The following HADHA variants were observed in gnomAD, a reference collection of about 807,000 sequenced individuals.
HADHA encodes trifunctional enzyme subunit alpha, mitochondrial.
Under a neutral mutation model 91.3 loss-of-function variants are expected in HADHA, and 59 were observed. The observed-to-expected ratio is 0.65, with a 90% CI of 0.52 to 0.80. HADHA has a LOEUF of 0.80. HADHA is among the 30% of genes least tolerant of loss of function. The pLI, the probability that HADHA is intolerant of heterozygous loss-of-function variation, is 0.00. For synonymous variants in HADHA, 320 were observed against 338.9 expected, an observed-to-expected ratio of 0.94 and a Z score of 0.61; for missense variants, 800 against 927.6, an observed-to-expected ratio of 0.86 and a Z score of 1.79.
intron 16 of HADHA, 39 bp from the exon 17 acceptor site, chr2:26,193,811 A>G (rs1391828925): frequency 5.9e-6 from 9 of 1,533,578 alleles, no homozygotes; most frequent in Non-Finnish European, 8.1e-6. Flanking sequence ...GGGGAAGGGC[A>G]GCCCAAATCC....
At chr2:26,191,744 G>T in intron 18 of HADHA, 116 bp from the exon 19 acceptor site, 1 of 1,030,022 alleles carries the variant, frequency 9.7e-7, no homozygotes, top group Non-Finnish European at 1.5e-6. Context: ...GGGCCGGTTG[G>T]TGCTGGCCCT....
In HADHA at chr2:26,232,207, G is replaced by T; in HGVS notation, c.526C>A (p.Leu176Met). 6.2e-7 allele frequency: 1 copy of T among 1,609,440 alleles called. No homozygotes were observed. Among genetic ancestry groups the T allele is most frequent in the Non-Finnish European group, 8.5e-7 (1 of 1,175,786 alleles). Reference sequence around the variant, plus strand: ...CCTCCTGCTCCTGGTAAGGCCCCCAGCAAAACTTCAGGGGTACCTAATACT... The same window carrying T: ...CCTCCTGCTCCTGGTAAGGCCCCCATCAAAACTTCAGGGGTACCTAATACT... The part of the protein sequence containing the change: ...KTVLGTPEVL[L>M]GALPGAGGTQ... Residue 176 changes from leucine (L) to methionine (M), a missense_variant, in exon 6 of 20, where the codon CTG becomes ATG. Physicochemically the swap from Leu to Met is conservative, Grantham distance 15. Transcript: ENST00000380649.
At chr2:26,217,898 C>T (rs949909818) in intron 7 of HADHA, among the ~76,000 whole-genome samples, 1 of 152,078 alleles carries the variant, frequency 6.6e-6, no homozygotes, top group African/African-American at 2.4e-5. Context: ...CAGAGCAAGA[C>T]CCTGTCTCAA....
At chr2:26,231,209 CATT>C (rs960548660) in intron 6 of HADHA, among the ~76,000 whole-genome samples, 2 of 152,116 alleles carry the variant, frequency 1.3e-5, no homozygotes. Context: ...AAGGAAAGCA[CATT>C]ATTATTATTA....
At chr2:26,193,825 C>T in intron 16 of HADHA, 53 bp from the exon 17 acceptor site, 3 of 1,410,158 alleles carry the variant, frequency 2.1e-6, no homozygotes, top group Non-Finnish European at 2.0e-6. Context: ...CAAATCCCCC[C>T]AAAGGGCTCC....
At chr2:26,217,544 A>T (rs577993812) in intron 7 of HADHA, among the ~76,000 whole-genome samples, 1 of 152,338 alleles carries the variant, frequency 6.6e-6, no homozygotes, top group South Asian at 2.1e-4. Context: ...AAAACCAGTC[A>T]TAAAAGGAAA....
chr2:26,219,759 G>A (rs1670329580), intron 7 of HADHA, among the ~76,000 whole-genome samples: 2 of 152,202 alleles, frequency 1.3e-5, no homozygotes, highest in African/African-American at 4.8e-5. Flanking sequence ...AGAATAGTCT[G>A]ACTTGCTGAG....
At chr2:26,207,189 C>T (rs915444513) in intron 11 of HADHA, among the ~76,000 whole-genome samples, 1 of 151,906 alleles carries the variant, frequency 6.6e-6, no homozygotes, top group African/African-American at 2.4e-5. Flanking sequence ...CAGAATGAGA[C>T]CCTGTCTCTA....
chr2:26,243,905 G>A (rs762562869), intron 1 of HADHA, among the ~76,000 whole-genome samples: 3 of 152,234 alleles, frequency 2.0e-5, no homozygotes, highest in Admixed American at 6.5e-5. Context: ...AGGTATTAGC[G>A]TATTTTTAAA....
At chr2:26,192,212 AAAGTATT>A in intron 18 of HADHA, 91 bp downstream of exon 18, 1 of 712,700 alleles carries the variant, frequency 1.4e-6, no homozygotes, top group Non-Finnish European at 2.5e-6. Flanking sequence ...CCCAGGACTT[AAAGTATT>A]AAAAAAAAAA....
At chr2:26,191,445 G>T in intron 19 of HADHA, 38 bp downstream of exon 19, 1 of 1,614,176 alleles carries the variant, frequency 6.2e-7, no homozygotes, top group African/African-American at 1.3e-5. Flanking sequence ...ACGGGCTCCA[G>T]GCTAAAGTGA....
At position 26,204,315 on chromosome 2, in the gene HADHA, C is replaced by A; in HGVS notation, c.1086-119G>T. The A allele has an allele frequency of 4.4e-6, 4 of 908,020 alleles. No homozygotes were observed. The South Asian group carries it at 5.5e-5, about 12-fold the overall frequency. The allele number at this position is 908,020 out of a possible 1,614,324, so 56.2% of individuals were successfully genotyped here. On this transcript the variant is annotated intron_variant, in intron 11 of 19. Transcript: ENST00000380649. ...ATGCAGGCACAACTATAAGGTGTTT[C>A]AAATAATTTTTATTTATTAAAAACA...
intron 12 of HADHA, among the ~76,000 whole-genome samples, chr2:26,203,518 C>T (rs1456666133): frequency 6.6e-6 from 1 of 152,096 alleles, no homozygotes; most frequent in African/African-American, 2.4e-5. Context: ...CTGTAAAGCC[C>T]CAGACACTGT....
chr2:26,219,077 G>C (rs531019154), intron 7 of HADHA, among the ~76,000 whole-genome samples: 1 of 149,976 alleles, frequency 6.7e-6, no homozygotes, highest in South Asian at 2.1e-4. Flanking sequence ...TAAAACCCCA[G>C]AGCAACCATT....
In HADHA at chr2:26,214,926, A is replaced by AC. The variant is rs1481325602; in HGVS notation, c.799+126dup. ...AAGTTGAGGAGTTGTTACATCTCCT[A>AC]CCTAAGGCTGACTTTATGCTTTGAG... On this transcript the variant is annotated intron_variant, in intron 8 of 19. Transcript: ENST00000380649. This position sits in a 1 kb window ranked among gnomAD's most constrained non-coding sequence, Gnocchi z 4.1. The AC allele has an allele frequency of 3.2e-6, 3 of 933,498 alleles. No individual in the cohort carries two copies. In the African/African-American group the frequency reaches 4.8e-5, roughly 15 times the overall value. 57.8% of individuals were successfully genotyped at this position (933,498 alleles called of 1,614,324 possible). A position where few individuals can be genotyped will look rare whatever the true frequency, so the allele number is the denominator to read the frequency against.
Position 26,210,089 on chromosome 2 carries a change from G to A in HADHA, c.976-200C>T, listed in dbSNP as rs895590762. Among the ~76,000 whole-genome samples, 16 of 152,306 alleles carry A rather than the reference G, an allele frequency of 1.1e-4. No individual in the cohort carries two copies. Among genetic ancestry groups the A allele is most frequent in the African/African-American group, 3.8e-4 (16 of 41,570 alleles). On this transcript the variant is annotated intron_variant, in intron 10 of 19. Transcript: ENST00000380649. The surrounding 1 kb of genome is among the most constrained non-coding windows in gnomAD (Gnocchi z 4.0). The stretch of plus-strand genomic sequence containing the variant: ...CTTGTCTTTACTTGTCTTATCTGGA[G>A]CACTTTCCAACTACTGTGTTGAAGA...
Position 26,244,573 on chromosome 2 carries a change from G to C in HADHA, c.24C>G (p.Gly8=). 1 of 1,587,730 alleles carries C rather than the reference G, an allele frequency of 6.3e-7. No individual in the cohort carries two copies. Among genetic ancestry groups the C allele is most frequent in the Non-Finnish European group, 8.6e-7 (1 of 1,166,640 alleles). Residue 8 remains glycine (G), a synonymous_variant, in exon 1 of 20, where the codon GGC becomes GGG. Coordinates refer to ENST00000380649, the MANE Select transcript of HADHA (RefSeq NM_000182.5). The part of the protein sequence containing the change: MVACRAI[G]ILSRFSAFRI... ...TGAAGGCAGAAAAGCGGCTGAGGAT[G>C]CCAATCGCCCGGCAGGCCACCATCT...
Position 26,215,034 on chromosome 2 carries a change from C to A in HADHA, c.799+19G>T. 2 of 1,601,896 alleles carry A rather than the reference C, an allele frequency of 1.2e-6. No individual in the cohort carries two copies. Among genetic ancestry groups the A allele is most frequent in the African/African-American group, 1.3e-5 (1 of 74,782 alleles). ...TCAGGAAAGAAGCTTTGCCTTTGTT[C>A]TTTAACAATGATACTCACTTTCCAC... On this transcript the variant is annotated intron_variant, in intron 8 of 19. Transcript: ENST00000380649.
intron 12 of HADHA, among the ~76,000 whole-genome samples, chr2:26,202,241 A>G (rs2147760720): frequency 6.6e-6 from 1 of 152,314 alleles, no homozygotes; most frequent in East Asian, 1.9e-4. Flanking sequence ...AGGGAGCAGA[A>G]AAGGATTCCT....
Sources: allele counts gnomAD v4.1 joint callset (sites outside exome capture counted in the v4.1 genomes callset), GRCh38; gene constraint gnomAD v4.1.1; non-coding constraint Gnocchi (gnomAD v3.1); transcripts MANE v1.5; gene names NCBI Gene and HGNC (gene_info 2026-07-23, HGNC 2026-07-21).